ARPP21: variants seen among roughly 807,000 people sequenced by gnomAD.
ARPP21 encodes cAMP-regulated phosphoprotein 21.
ARPP21 carries 69 observed loss-of-function variants against 113.2 expected under a neutral mutation model. The ratio of observed to expected loss-of-function variants is 0.61; its 90% CI spans 0.50 to 0.74. The LOEUF is 0.74. ARPP21 is among the 30% of genes least tolerant of loss of function. The probability of loss-of-function intolerance (pLI) is 0.00; values close to 1 mark genes in which losing one functional copy is unlikely to be tolerated. For synonymous variants in ARPP21, 368 were observed against 375.5 expected (o/e 0.98, Z 0.23); for missense variants, 1,070 against 1,037.4 (o/e 1.03, Z -0.43).
intron 19 of ARPP21, among the ~76,000 whole-genome samples, chr3:35,786,162 G>A (rs780311875): frequency 9.9e-5 from 15 of 152,024 alleles, no homozygotes; most frequent in Admixed American, 6.6e-4. Flanking sequence ...TATTTTAACC[G>A]TATCTTAATT....
At chr3:35,640,744 T>C (rs1041938122) in intron 1 of ARPP21, among the ~76,000 whole-genome samples, 8 of 152,152 alleles carry the variant, frequency 5.3e-5, no homozygotes, top group African/African-American at 1.9e-4. Flanking sequence ...AAAGTTATAC[T>C]CTGTTTGTTG....
chr3:35,697,269 A>G (rs183265104), intron 9 of ARPP21, among the ~76,000 whole-genome samples: 14 of 151,762 alleles, frequency 9.2e-5, no homozygotes, highest in African/African-American at 1.7e-4. Flanking sequence ...ATCCACTGAA[A>G]GAGAGTGGAT....
At chr3:35,648,403 T>C (rs548704450) in intron 1 of ARPP21, among the ~76,000 whole-genome samples, 3 of 152,212 alleles carry the variant, frequency 2.0e-5, no homozygotes, top group African/African-American at 4.8e-5. Context: ...CCTGCACTAG[T>C]GGATGGGAGC....
chr3:35,685,680 T>C (rs1369885906), intron 5 of ARPP21: 1 of 984,026 alleles, frequency 1.0e-6, no homozygotes, highest in Non-Finnish European at 1.2e-6. Context: ...GACCCATACC[T>C]GATGGTTCAG....
chr3:35,712,817 T>A (rs2091577118), intron 11 of ARPP21, among the ~76,000 whole-genome samples: 1 of 152,224 alleles, frequency 6.6e-6, no homozygotes, highest in South Asian at 2.1e-4. Flanking sequence ...TAATTCTTTT[T>A]TCCTTTGGCA....
chr3:35,655,416 T>A (rs1290990532), intron 1 of ARPP21, among the ~76,000 whole-genome samples: 2 of 152,000 alleles, frequency 1.3e-5, no homozygotes, highest in Non-Finnish European at 2.9e-5. Context: ...AAGGCTAGGA[T>A]AATAGAAGAG....
At chr3:35,776,730 C>T (rs1471256710) in intron 19 of ARPP21, among the ~76,000 whole-genome samples, 1 of 152,064 alleles carries the variant, frequency 6.6e-6, no homozygotes, top group Non-Finnish European at 1.5e-5. Flanking sequence ...TACTTGGTGA[C>T]ACATATGGAG....
intron 14 of ARPP21, among the ~76,000 whole-genome samples, chr3:35,728,185 A>G (rs2093675546): frequency 7.0e-6 from 1 of 142,476 alleles, no homozygotes; most frequent in South Asian, 2.2e-4. Context: ...AATAATAATA[A>G]TAATGCCCAC....
chr3:35,778,992 C>T (rs1483399147), intron 19 of ARPP21, among the ~76,000 whole-genome samples: 1 of 152,112 alleles, frequency 6.6e-6, no homozygotes, highest in Non-Finnish European at 1.5e-5. Context: ...TATTTCTAAA[C>T]TTTGGGATAG....
intron 1 of ARPP21, among the ~76,000 whole-genome samples, chr3:35,653,215 A>G (rs1432231408): frequency 4.6e-5 from 7 of 152,086 alleles, no homozygotes; most frequent in African/African-American, 1.7e-4. Context: ...GGCTGTAGTC[A>G]TAGCAGTGAC....
intron 1 of ARPP21, among the ~76,000 whole-genome samples, chr3:35,673,086 C>G (rs1357825520): frequency 2.0e-5 from 3 of 152,058 alleles, no homozygotes; most frequent in African/African-American, 7.2e-5. Flanking sequence ...GTTGTTGAAT[C>G]TTGCAGAAAG....
intron 14 of ARPP21, among the ~76,000 whole-genome samples, chr3:35,727,370 T>G (rs1481673420): frequency 2.0e-5 from 3 of 152,230 alleles, no homozygotes; most frequent in Non-Finnish European, 4.4e-5. Flanking sequence ...TTTACTTCAG[T>G]TTTCCTATCT....
chr3:35,788,793 C>A (rs2096683727), intron 19 of ARPP21, among the ~76,000 whole-genome samples: 1 of 152,136 alleles, frequency 6.6e-6, no homozygotes, highest in African/African-American at 2.4e-5. Context: ...GAATATTAAC[C>A]AAATGCCCTC....
At chr3:35,777,518 A>G (rs1249082971) in intron 19 of ARPP21, among the ~76,000 whole-genome samples, 1 of 152,218 alleles carries the variant, frequency 6.6e-6, no homozygotes, top group Non-Finnish European at 1.5e-5. Flanking sequence ...TTTAAATATC[A>G]CTTCATACTA....
At chr3:35,729,092 C>T (rs1324410423) in intron 14 of ARPP21, among the ~76,000 whole-genome samples, 1 of 152,004 alleles carries the variant, frequency 6.6e-6, no homozygotes, top group Admixed American at 6.6e-5. Flanking sequence ...CCTCTTTTCC[C>T]AGAAAATTGA....
chr3:35,732,748 C>T (rs2094074509), intron 15 of ARPP21, among the ~76,000 whole-genome samples: 1 of 152,158 alleles, frequency 6.6e-6, no homozygotes, highest in Non-Finnish European at 1.5e-5. Context: ...TAAAGTCATG[C>T]CATTTGCAGT....
intron 19 of ARPP21, among the ~76,000 whole-genome samples, chr3:35,748,719 C>T (rs1370627415): frequency 2.6e-5 from 4 of 152,162 alleles, no homozygotes; most frequent in Non-Finnish European, 5.9e-5. Context: ...GTAGTTAGCT[C>T]TCATGCCATT....
intron 14 of ARPP21, among the ~76,000 whole-genome samples, chr3:35,724,541 G>A (rs1171306673): frequency 6.6e-6 from 1 of 152,164 alleles, no homozygotes; most frequent in East Asian, 1.9e-4. Flanking sequence ...GATGGGGCCT[G>A]AGAATTTGCA....
chr3:35,768,327 G>A (rs2151457312), intron 19 of ARPP21, among the ~76,000 whole-genome samples: 1 of 152,050 alleles, frequency 6.6e-6, no homozygotes, highest in Admixed American at 6.6e-5. Context: ...GATAGATTCA[G>A]CTGGCAAATT....
Sources: gnomAD v4.1 joint callset for allele counts (sites outside exome capture counted in the v4.1 genomes callset) on GRCh38, gnomAD v4.1.1 for gene constraint, MANE v1.5 for transcripts, NCBI Gene and HGNC (gene_info 2026-07-23, HGNC 2026-07-21) for gene names.